The following ZBTB16 variants were observed in gnomAD, a reference collection of about 807,000 sequenced individuals.
ZBTB16 encodes zinc finger and BTB domain-containing protein 16.
A neutral mutation model predicts 56.8 loss-of-function variants in ZBTB16; 8 were observed. The ratio of observed to expected loss-of-function variants is 0.14; its 90% CI spans 0.08 to 0.25. The LOEUF is 0.25. Among genes scored for constraint, ZBTB16 ranks in the 10% least tolerant of loss-of-function variants. The probability of loss-of-function intolerance (pLI) is 1.00; values close to 1 mark genes in which losing one functional copy is unlikely to be tolerated. For synonymous variants in ZBTB16, 363 were observed against 368.5 expected (o/e 0.98, Z 0.17); for missense variants, 625 against 903.0 (o/e 0.69, Z 3.95).
intron 2 of ZBTB16, among the ~76,000 whole-genome samples, chr11:114,142,285 AC>A (rs888567300): frequency 6.6e-6 from 1 of 151,554 alleles, no homozygotes; most frequent in African/African-American, 2.4e-5. Flanking sequence ...TCTCCTTCCC[AC>A]CCCCTTCCCC....
chr11:114,221,353 G>T lies in ZBTB16; in HGVS notation c.1454-20814G>T, dbSNP rs184192957. Among the ~76,000 whole-genome samples, 901 of 152,300 alleles carry T rather than the reference G, an allele frequency of 5.9e-3. 3 individuals carry two copies. Among genetic ancestry groups the T allele is most frequent in the Non-Finnish European group, 7.6e-3 (518 of 68,034 alleles). On this transcript the variant is annotated intron_variant, in intron 4 of 6. Transcript: ENST00000335953. ...GCTCTGCCTAAATCAGATCACTGGG[G>T]TCTTTCATCCTTTGGGGAATAAGCT...
intron 2 of ZBTB16, among the ~76,000 whole-genome samples, chr11:114,139,490 A>G (rs540925737): frequency 6.6e-6 from 1 of 152,098 alleles, no homozygotes; most frequent in Non-Finnish European, 1.5e-5. Context: ...TGAAACTTGC[A>G]TACTTCATCT....
chr11:114,071,731 T>C (rs534063806), intron 2 of ZBTB16, among the ~76,000 whole-genome samples: 2 of 152,350 alleles, frequency 1.3e-5, no homozygotes, highest in South Asian at 4.1e-4. Context: ...TTTCCATAAC[T>C]AAAGATTTTC....
intron 4 of ZBTB16, among the ~76,000 whole-genome samples, chr11:114,229,117 C>G (rs1425355905): frequency 5.3e-5 from 8 of 152,216 alleles, no homozygotes; most frequent in Admixed American, 1.3e-4. Context: ...TATGAATTTG[C>G]TGTGTCTCAT....
intron 2 of ZBTB16, among the ~76,000 whole-genome samples, chr11:114,088,752 G>C (rs994480820): frequency 4.6e-5 from 7 of 152,226 alleles, no homozygotes; most frequent in African/African-American, 1.7e-4. Flanking sequence ...CCAGACTCAG[G>C]TATTGTTAAA....
intron 2 of ZBTB16, among the ~76,000 whole-genome samples, chr11:114,155,522 C>G (rs1044596549): frequency 6.6e-6 from 1 of 152,184 alleles, no homozygotes; most frequent in Non-Finnish European, 1.5e-5. Context: ...CCGGTTGTTA[C>G]TGGGACCTTG....
chr11:114,234,060 A>C (rs572698978), intron 4 of ZBTB16, among the ~76,000 whole-genome samples: 1 of 152,314 alleles, frequency 6.6e-6, no homozygotes, highest in Non-Finnish European at 1.5e-5. Flanking sequence ...TTGTTATGCA[A>C]TGAAGATGCT....
intron 3 of ZBTB16, among the ~76,000 whole-genome samples, chr11:114,156,789 A>C (rs1942425126): frequency 6.6e-6 from 1 of 152,206 alleles, no homozygotes. Flanking sequence ...ATTATACAGG[A>C]GCCTTTAATT....
chr11:114,190,231 G>A (rs906750614), intron 4 of ZBTB16, among the ~76,000 whole-genome samples: 11 of 152,196 alleles, frequency 7.2e-5, no homozygotes, highest in African/African-American at 2.2e-4. Context: ...TTCTAAAATT[G>A]ATTGTGGTGA....
intron 3 of ZBTB16, among the ~76,000 whole-genome samples, chr11:114,173,023 G>A (rs1328945998): frequency 6.6e-6 from 1 of 152,164 alleles, no homozygotes; most frequent in Non-Finnish European, 1.5e-5. Context: ...CCTCAATTAT[G>A]GTGCAGGGGG....
chr11:114,250,626 C>A lies in ZBTB16; in HGVS notation c.*71C>A. ...GAGTTGGAGTGAGATGAAGGAAGGA[C>A]TATGACAAATAAAAAAGGAAAAGAA... On this transcript the variant is annotated 3_prime_UTR_variant, in exon 7 of 7. Transcript: ENST00000335953. The surrounding 1 kb of genome is among the most constrained non-coding windows in gnomAD (Gnocchi z 6.0). 25 of 1,397,742 alleles carry A rather than the reference C, an allele frequency of 1.8e-5. No homozygotes were observed. Among genetic ancestry groups the A allele is most frequent in the Non-Finnish European group, 2.4e-5 (24 of 1,002,692 alleles). The allele number at this position is 1,397,742 out of a possible 1,614,324, so 86.6% of individuals were successfully genotyped here. A position where few individuals can be genotyped will look rare whatever the true frequency, so the allele number is the denominator to read the frequency against.
At chr11:114,162,652 G>A (rs1331269959) in intron 3 of ZBTB16, among the ~76,000 whole-genome samples, 5 of 152,174 alleles carry the variant, frequency 3.3e-5, no homozygotes, top group Admixed American at 6.5e-5. Flanking sequence ...GGGCAAACCC[G>A]GGAGATGACC....
intron 2 of ZBTB16, among the ~76,000 whole-genome samples, chr11:114,101,685 G>A (rs900468811): frequency 6.6e-6 from 1 of 152,186 alleles, no homozygotes; most frequent in East Asian, 1.9e-4. Context: ...TAACTTGTAA[G>A]GTTCTTGCAA....
chr11:114,124,562 A>AC (rs1565638123), intron 2 of ZBTB16, among the ~76,000 whole-genome samples: 6 of 149,936 alleles, frequency 4.0e-5, no homozygotes, highest in African/African-American at 1.5e-4. Context: ...AAAACCAAAA[A>AC]AAAAAAAAAA....
At chr11:114,119,264 C>CAAAAAAAA (rs71063549) in intron 2 of ZBTB16, among the ~76,000 whole-genome samples, 1 of 57,218 alleles carries the variant, frequency 1.7e-5, no homozygotes, top group African/African-American at 6.7e-5. Flanking sequence ...AACTCTGTCT[C>CAAAAAAAA]AAAAAAAAAA....
chr11:114,064,654 G>T lies in ZBTB16; in HGVS notation c.1268+86G>T. 6.5e-7 allele frequency: 1 copy of T among 1,528,790 alleles called. No homozygotes were observed. The highest frequency in any genetic ancestry group is 2.4e-5 in the East Asian group (1 of 42,402). 94.7% of individuals were successfully genotyped at this position (1,528,790 alleles called of 1,614,324 possible). A position where few individuals can be genotyped will look rare whatever the true frequency, so the allele number is the denominator to read the frequency against. On this transcript the variant is annotated intron_variant, in intron 2 of 6. Transcript: ENST00000335953. The surrounding 1 kb of genome is among the most constrained non-coding windows in gnomAD (Gnocchi z 4.2). ...ACACCCTGGCTGCTCCCAAGTTAGG[G>T]GCCTGGCTCCCCTGTCTTGGCAATT...
At chr11:114,117,952 C>T (rs938178849) in intron 2 of ZBTB16, among the ~76,000 whole-genome samples, 2 of 152,224 alleles carry the variant, frequency 1.3e-5, no homozygotes, top group South Asian at 2.1e-4. Flanking sequence ...GGTCTGGGTT[C>T]GTGAGCTATA....
chr11:114,138,166 A>G (rs1941846286), intron 2 of ZBTB16, among the ~76,000 whole-genome samples: 2 of 152,206 alleles, frequency 1.3e-5, no homozygotes, highest in East Asian at 1.9e-4. Flanking sequence ...GCAAAATGAC[A>G]GTTACGGGGG....
At chr11:114,136,034 G>C (rs997227342) in intron 2 of ZBTB16, among the ~76,000 whole-genome samples, 2 of 152,064 alleles carry the variant, frequency 1.3e-5, no homozygotes, top group African/African-American at 4.8e-5. Flanking sequence ...GTGGAATCTC[G>C]TGGCAAGGGC....
Sources: allele counts gnomAD v4.1 joint callset (sites outside exome capture counted in the v4.1 genomes callset), GRCh38; gene constraint gnomAD v4.1.1; non-coding constraint Gnocchi (gnomAD v3.1); transcripts MANE v1.5; gene names NCBI Gene and HGNC (gene_info 2026-07-23, HGNC 2026-07-21).